Variants in PDZRN3 observed in about 807,000 individuals in gnomAD.
PDZRN3 encodes PDZ domain containing ring finger 3.
Under a neutral mutation model 85.7 loss-of-function variants are expected in PDZRN3, and 38 were observed. The observed-to-expected ratio is 0.44, with a 90% CI of 0.34 to 0.58. The LOEUF is 0.58. Among genes scored for constraint, PDZRN3 ranks in the 20% least tolerant of loss-of-function variants. The pLI is 0.01. For synonymous variants in PDZRN3, 759 were observed against 638.0 expected (o/e 1.19, Z -2.86); for missense variants, 1,629 against 1,506.4 (o/e 1.08, Z -1.35).
chr3:73,570,067 C>G (rs1166600472), intron 3 of PDZRN3, among the ~76,000 whole-genome samples: 3 of 152,174 alleles, frequency 2.0e-5, no homozygotes, highest in Admixed American at 6.5e-5. Context: ...AGCCCTTATA[C>G]TACCCCGCTG....
At chr3:73,407,424 A>C (rs1701876861) in intron 3 of PDZRN3, among the ~76,000 whole-genome samples, 2 of 152,140 alleles carry the variant, frequency 1.3e-5, no homozygotes, top group African/African-American at 4.8e-5. Context: ...TTATCCCCAA[A>C]ATTCTTGTTA....
At chr3:73,482,484 C>T (rs1559701992) in intron 3 of PDZRN3, among the ~76,000 whole-genome samples, 1 of 152,194 alleles carries the variant, frequency 6.6e-6, no homozygotes. Flanking sequence ...CTAGGCGTCT[C>T]AGAATGGCCA....
chr3:73,541,084 G>A (rs185406855), intron 3 of PDZRN3, among the ~76,000 whole-genome samples: 170 of 152,258 alleles, frequency 1.1e-3, no homozygotes, highest in African/African-American at 4.0e-3. Flanking sequence ...ATTTATGGAG[G>A]TTAATAAAAA....
chr3:73,396,223 C>CA (rs71616855), intron 5 of PDZRN3, among the ~76,000 whole-genome samples: 210 of 149,620 alleles, frequency 1.4e-3, no homozygotes, highest in Non-Finnish European at 1.5e-3. Flanking sequence ...TCAAAACAAA[C>CA]AAAAAAAAAA....
chr3:73,608,740 G>T (rs1002015348), intron 1 of PDZRN3, 56 bp from the exon 2 acceptor site: 1 of 1,056,798 alleles, frequency 9.5e-7, no homozygotes, highest in Non-Finnish European at 1.4e-6. Context: ...TAGATGGTAG[G>T]AATTTTCCTT....
At chr3:73,539,557 C>G (rs934161002) in intron 3 of PDZRN3, among the ~76,000 whole-genome samples, 4 of 152,096 alleles carry the variant, frequency 2.6e-5, no homozygotes, top group Admixed American at 6.6e-5. Context: ...TCTGAGGCTG[C>G]TGTATCAAGA....
chr3:73,436,448 A>C (rs1329789949), intron 3 of PDZRN3, among the ~76,000 whole-genome samples: 1 of 152,188 alleles, frequency 6.6e-6, no homozygotes, highest in Non-Finnish European at 1.5e-5. Context: ...GGGTGTCCCC[A>C]CAAAAAAAGG....
chr3:73,621,574 A>G (rs1702861669), intron 1 of PDZRN3: 1 of 152,222 alleles, frequency 6.6e-6, no homozygotes, highest in Non-Finnish European at 1.5e-5. Context: ...ACCCAGGAAC[A>G]GCAAAAGCGT....
chr3:73,531,250 CAAAAAAAAAA>C (rs60520136), intron 3 of PDZRN3, among the ~76,000 whole-genome samples: 1 of 63,946 alleles, frequency 1.6e-5, no homozygotes, highest in Non-Finnish European at 3.0e-5. Context: ...GACTTCGTCT[CAAAAAAAAAA>C]AAAAAAAAAA....
At chr3:73,532,195 C>T (rs188120074) in intron 3 of PDZRN3, among the ~76,000 whole-genome samples, 32 of 151,926 alleles carry the variant, frequency 2.1e-4, no homozygotes, top group Admixed American at 1.2e-3. Flanking sequence ...TTAGTAGAGA[C>T]GGGGTTTCAC....
In PDZRN3 at chr3:73,383,484, T is replaced by C; in HGVS notation, c.3082A>G (p.Lys1028Glu). ...TTATCGAAGATTTTCTTATTCCTCT[T>C]CTTCATCATCTTTTTGTGGCTCAGT... ...LELSHKKMMKKRNKKIFDNWM... is the reference protein window; with the variant it reads ...LELSHKKMMKERNKKIFDNWM... The change falls in exon 10 of 10, where the codon AAG becomes GAG. Residue 1028 changes from lysine (K) to glutamate (E), a missense_variant. Physicochemically the swap from Lys to Glu is moderately conservative, Grantham distance 56. Transcript: ENST00000263666. 1 of 1,614,198 alleles carries C rather than the reference T, an allele frequency of 6.2e-7. No individual in the cohort carries two copies. The highest frequency in any genetic ancestry group is 8.5e-7 in the Non-Finnish European group (1 of 1,180,026).
At chr3:73,517,978 C>T (rs762343336) in intron 3 of PDZRN3, among the ~76,000 whole-genome samples, 1 of 152,120 alleles carries the variant, frequency 6.6e-6, no homozygotes, top group Non-Finnish European at 1.5e-5. Context: ...AATAGAATTA[C>T]CATATGATTC....
intron 3 of PDZRN3, among the ~76,000 whole-genome samples, chr3:73,591,205 T>A (rs1270326004): frequency 1.3e-5 from 2 of 152,256 alleles, no homozygotes; most frequent in Non-Finnish European, 2.9e-5. Context: ...GAACTGTTCC[T>A]AATTTTAAGA....
intron 3 of PDZRN3, among the ~76,000 whole-genome samples, chr3:73,486,016 A>G (rs1213690811): frequency 3.9e-5 from 6 of 152,262 alleles, no homozygotes; most frequent in Non-Finnish European, 7.3e-5. Context: ...CCTTGCCAGC[A>G]CACAGCATGG....
At chr3:73,579,714 C>G (rs919983796) in intron 3 of PDZRN3, among the ~76,000 whole-genome samples, 1 of 152,078 alleles carries the variant, frequency 6.6e-6, no homozygotes, top group Non-Finnish European at 1.5e-5. Flanking sequence ...GTAAGAAGCC[C>G]GCCACTGAGG....
At chr3:73,406,082 C>T (rs1317570980) in intron 3 of PDZRN3, among the ~76,000 whole-genome samples, 4 of 150,654 alleles carry the variant, frequency 2.7e-5, no homozygotes, top group Non-Finnish European at 2.9e-5. Context: ...ATTTACATCA[C>T]GAGGGAGTTC....
intron 3 of PDZRN3, among the ~76,000 whole-genome samples, chr3:73,481,604 A>G (rs527319433): frequency 7.8e-4 from 119 of 151,992 alleles, no homozygotes; most frequent in Non-Finnish European, 1.6e-3. Flanking sequence ...TGCTGGGATT[A>G]CAGGCGTAAG....
chr3:73,555,499 C>T (rs1270347174), intron 3 of PDZRN3, among the ~76,000 whole-genome samples: 3 of 152,188 alleles, frequency 2.0e-5, no homozygotes, highest in Non-Finnish European at 4.4e-5. Flanking sequence ...TTCCCACTGA[C>T]ATTTTGTTAA....
intron 3 of PDZRN3, among the ~76,000 whole-genome samples, chr3:73,442,526 T>C (rs1333148035): frequency 6.6e-6 from 1 of 151,962 alleles, no homozygotes; most frequent in Non-Finnish European, 1.5e-5. Flanking sequence ...CTGGGAAAAA[T>C]GTTACGAGGA....
Sources: gnomAD v4.1 joint callset for allele counts (sites outside exome capture counted in the v4.1 genomes callset) on GRCh38, gnomAD v4.1.1 for gene constraint, MANE v1.5 for transcripts, NCBI Gene and HGNC (gene_info 2026-07-23, HGNC 2026-07-21) for gene names.